The following MTUS1 variants were observed in gnomAD, a reference collection of about 807,000 sequenced individuals.
MTUS1 encodes microtubule associated scaffold protein 1, also known as microtubule-associated tumor suppressor 1.
MTUS1 carries 109 observed loss-of-function variants against 120.8 expected under a neutral mutation model. The observed-to-expected ratio is 0.90, with a 90% CI of 0.77 to 1.06. The LOEUF (loss-of-function observed/expected upper bound fraction) is 1.06. Among genes scored for constraint, MTUS1 ranks in the 50% least tolerant of loss-of-function variants. The pLI, the probability that MTUS1 is intolerant of heterozygous loss-of-function variation, is 0.00. For missense variants in MTUS1, 2,210 were observed against 1,486.3 expected, an observed-to-expected ratio of 1.49 and a Z score of -8.01; for synonymous variants, 737 against 550.5, an observed-to-expected ratio of 1.34 and a Z score of -4.74.
intron 5 of MTUS1, 34 bp from the exon 6 acceptor site, chr8:17,713,286 G>A: frequency 8.0e-7 from 1 of 1,249,364 alleles, no homozygotes; most frequent in Non-Finnish European, 1.2e-6. Flanking sequence ...AAATACATAT[G>A]TTTTATTTGA....
chr8:17,747,089 A>G (rs1466515544), intron 2 of MTUS1, among the ~76,000 whole-genome samples: 1 of 152,170 alleles, frequency 6.6e-6, no homozygotes, highest in Non-Finnish European at 1.5e-5. Context: ...TCAAACTCGA[A>G]TAGGGTTAGA....
chr8:17,745,620 G>T (rs896696524), intron 2 of MTUS1, among the ~76,000 whole-genome samples: 1 of 152,178 alleles, frequency 6.6e-6, no homozygotes, highest in African/African-American at 2.4e-5. Flanking sequence ...ACCCATTAGT[G>T]AGAGTGTACT....
chr8:17,764,823 T>C (rs2049337736), intron 1 of MTUS1, among the ~76,000 whole-genome samples: 2 of 152,228 alleles, frequency 1.3e-5, no homozygotes, highest in South Asian at 4.1e-4. Flanking sequence ...CCTAATCCCG[T>C]GGTCCCCAAC....
In MTUS1 at chr8:17,738,627, A is replaced by G. The variant is rs575943150; in HGVS notation, c.2287+4977T>C. ...CTGTGCAGGTTTGTTACATAGGTAA[A>G]CATGGGCCATGGTGGTTGACTTCAC... is the stretch of plus-strand genomic sequence containing the variant. On this transcript the variant is annotated intron_variant, in intron 3 of 14. Coordinates refer to ENST00000693296, the MANE Select transcript of MTUS1 (RefSeq NM_001363059.2). Among the ~76,000 whole-genome samples the G allele has an allele frequency of 3.3e-5, 5 of 152,310 alleles. No homozygotes were observed. The South Asian group carries it at 8.3e-4, about 25-fold the overall frequency.
chr8:17,685,964 T>C (rs1331140745), intron 6 of MTUS1, among the ~76,000 whole-genome samples: 2 of 152,226 alleles, frequency 1.3e-5, no homozygotes, highest in African/African-American at 2.4e-5. Context: ...AAGAACAAAT[T>C]ATTAGTTACA....
At position 17,755,881 on chromosome 8, in the gene MTUS1, T is replaced by C. The variant is rs1431509291; in HGVS notation, c.-74A>G. The C allele has an allele frequency of 1.3e-6, 2 of 1,527,230 alleles. No individual in the cohort carries two copies. Among genetic ancestry groups the C allele is most frequent in the East Asian group, 2.3e-5 (1 of 44,368 alleles). 94.6% of individuals were successfully genotyped at this position (1,527,230 alleles called of 1,614,324 possible). On this transcript the variant is annotated 5_prime_UTR_variant, in exon 2 of 15. Transcript: ENST00000693296. ...CTTTTAAATGAGAGGGTGGGCAAAA[T>C]GGTCTGTCTTCTAGGTTTTTCAGCA... is the stretch of plus-strand genomic sequence containing the variant.
chr8:17,669,513 C>T (rs1811575205), intron 8 of MTUS1, among the ~76,000 whole-genome samples: 1 of 152,030 alleles, frequency 6.6e-6, no homozygotes, highest in South Asian at 2.1e-4. Context: ...TGGATTTTTT[C>T]CCCCAAGGCC....
At chr8:17,764,150 C>T (rs6586643) in intron 1 of MTUS1, among the ~76,000 whole-genome samples, 148,427 of 152,326 alleles carry the variant, frequency 0.97, 72,414 homozygotes, top group East Asian at 1. Flanking sequence ...AAGAGAACAA[C>T]AGTTAAGAAC....
At chr8:17,647,501 G>A (rs1239532549) in intron 13 of MTUS1, among the ~76,000 whole-genome samples, 3 of 151,854 alleles carry the variant, frequency 2.0e-5, no homozygotes, top group Non-Finnish European at 4.4e-5. Flanking sequence ...AAAACTCACA[G>A]GCCAGCAATT....
intron 6 of MTUS1, among the ~76,000 whole-genome samples, chr8:17,689,272 G>A (rs1413370048): frequency 6.6e-6 from 1 of 152,116 alleles, no homozygotes; most frequent in Non-Finnish European, 1.5e-5. Context: ...TGTAGGGGGA[G>A]GGAGGAGGAT....
intron 1 of MTUS1, chr8:17,800,603 TTAAGA>T (rs2052605089): frequency 6.6e-6 from 1 of 152,178 alleles, no homozygotes; most frequent in Non-Finnish European, 1.5e-5. Flanking sequence ...GTCACCTTAA[TTAAGA>T]TGAGATTTTT....
At position 17,647,077 on chromosome 8, in the gene MTUS1, C is replaced by A. The variant is rs746601920; in HGVS notation, c.3504G>T (p.Val1168=). The change falls in exon 14 of 15, where the codon GTG becomes GTT. Residue 1168 remains valine, a splice_region_variant and synonymous_variant. Transcript: ENST00000693296. ...DIKLMKMEKL[V]DNNTALVDKL... ...TGTCAACCAATGCTGTGTTGTTGTC[C>A]ACCTTGGCATAAACAAGAATTCCAA... 2 of 1,612,762 alleles carry A rather than the reference C, an allele frequency of 1.2e-6. No homozygotes were observed. Among genetic ancestry groups the A allele is most frequent in the Non-Finnish European group, 1.7e-6 (2 of 1,179,268 alleles).
chr8:17,777,207 T>G (rs1586346637), intron 1 of MTUS1, among the ~76,000 whole-genome samples: 1 of 152,036 alleles, frequency 6.6e-6, no homozygotes, highest in Non-Finnish European at 1.5e-5. Context: ...GAGGTCAAGG[T>G]GGTTGGATCA....
Position 17,645,687 on chromosome 8 carries a change from G to A in MTUS1, c.*239C>T, listed in dbSNP as rs1805632720. On this transcript the variant is annotated 3_prime_UTR_variant, in exon 15 of 15. Transcript: ENST00000693296. ...AAGTGCTTTGTGCAACAACGTCCGT[G>A]TCGATGCCGAAATCTTTTTTTAAAT... 6.3e-6 allele frequency: 3 copies of A among 474,710 alleles called. No homozygotes were observed. The highest frequency in any genetic ancestry group is 1.1e-5 in the Non-Finnish European group (3 of 275,440). 29.4% of individuals were successfully genotyped at this position (474,710 alleles called of 1,614,324 possible).
chr8:17,734,584 G>A (rs1408290865), intron 3 of MTUS1, among the ~76,000 whole-genome samples: 1 of 151,872 alleles, frequency 6.6e-6, no homozygotes, highest in African/African-American at 2.4e-5. Flanking sequence ...CTTCAGGTGG[G>A]GATTAAACAA....
chr8:17,772,625 G>A (rs2050100996), intron 1 of MTUS1, among the ~76,000 whole-genome samples: 1 of 152,188 alleles, frequency 6.6e-6, no homozygotes, highest in Admixed American at 6.5e-5. Flanking sequence ...TTGCAAAGCA[G>A]ATTAAGTTTT....
chr8:17,776,325 T>C (rs1449586231), intron 1 of MTUS1, among the ~76,000 whole-genome samples: 1 of 152,040 alleles, frequency 6.6e-6, no homozygotes, highest in Admixed American at 6.5e-5. Flanking sequence ...GATTTTGGTA[T>C]TGACGGTGGG....
At chr8:17,696,131 G>T (rs559193771) in intron 6 of MTUS1, among the ~76,000 whole-genome samples, 1 of 152,166 alleles carries the variant, frequency 6.6e-6, no homozygotes, top group Admixed American at 6.5e-5. Flanking sequence ...GCCCTGAGCT[G>T]GGAGAGGAGG....
At chr8:17,783,398 G>C (rs1020094190) in intron 1 of MTUS1, among the ~76,000 whole-genome samples, 3 of 152,166 alleles carry the variant, frequency 2.0e-5, no homozygotes, top group Non-Finnish European at 4.4e-5. Context: ...CTCATAAGCA[G>C]AACAAAGTCT....
Sources: allele counts gnomAD v4.1 joint callset (sites outside exome capture counted in the v4.1 genomes callset), GRCh38; gene constraint gnomAD v4.1.1; transcripts MANE v1.5; gene names NCBI Gene and HGNC (gene_info 2026-07-23, HGNC 2026-07-21).